Variants in EHMT1 observed in about 807,000 individuals in gnomAD.
The protein encoded by EHMT1 is histone-lysine N-methyltransferase EHMT1.
In EHMT1, 15 loss-of-function variants were observed where a neutral mutation model predicts 147.2. That is an observed-to-expected ratio of 0.10 (90% CI 0.07 to 0.16). The LOEUF (loss-of-function observed/expected upper bound fraction) is 0.16. EHMT1 is among the 10% of genes least tolerant of loss of function. EHMT1 has a pLI of 1.00. For synonymous variants in EHMT1, 795 were observed against 709.6 expected (o/e 1.12, Z -1.91); for missense variants, 1,587 against 1,772.4 (o/e 0.90, Z 1.88).
intron 25 of EHMT1, among the ~76,000 whole-genome samples, chr9:137,829,066 G>GC (rs1466755490): frequency 1.3e-5 from 2 of 152,210 alleles, no homozygotes; most frequent in South Asian, 2.1e-4. Flanking sequence ...CCACGGGGAG[G>GC]CCCCCGCCCT....
intron 1 of EHMT1, among the ~76,000 whole-genome samples, chr9:137,625,652 T>C (rs977127633): frequency 2.0e-5 from 3 of 152,078 alleles, no homozygotes; most frequent in African/African-American, 7.2e-5. Flanking sequence ...GTTTATTCTT[T>C]ACTGTTTTCT....
chr9:137,767,897 A>G (rs4542006), intron 10 of EHMT1, among the ~76,000 whole-genome samples: 43,065 of 152,012 alleles, frequency 0.28, 6,618 homozygotes, highest in Admixed American at 0.41. Context: ...ATTTTGGAAC[A>G]TTTTGCATTT....
At chr9:137,823,799 C>T (rs1490150252) in intron 25 of EHMT1, among the ~76,000 whole-genome samples, 1 of 152,156 alleles carries the variant, frequency 6.6e-6, no homozygotes. Flanking sequence ...TGCAGGTGAC[C>T]CACCCGCCTC....
Position 137,834,435 on chromosome 9 carries a change from C to G in EHMT1, c.3627C>G (p.Pro1209=), listed in dbSNP as rs762578639. The part of the protein sequence containing the change: ...INHHCEPNLV[P]VRVFMAHQDL... ...ACCACTGCGAGCCCAACCTGGTGCCCGTGCGCGTGTTCATGGCCCACCAGG... is the reference window on the plus strand; with the variant it reads ...ACCACTGCGAGCCCAACCTGGTGCCGGTGCGCGTGTTCATGGCCCACCAGG... The change falls in exon 26 of 27, where the codon CCC becomes CCG. Residue 1209 remains proline, a synonymous_variant. Transcript: ENST00000460843. 2 of 1,613,280 alleles carry G rather than the reference C, an allele frequency of 1.2e-6. No homozygotes were observed. The highest frequency in any genetic ancestry group is 1.7e-6 in the Non-Finnish European group (2 of 1,179,812).
intron 3 of EHMT1, among the ~76,000 whole-genome samples, chr9:137,718,418 C>T (rs1945576636): frequency 6.6e-6 from 1 of 152,378 alleles, no homozygotes; most frequent in South Asian, 2.1e-4. Context: ...GGTGAACATT[C>T]TGACAGCACT....
intron 15 of EHMT1, chr9:137,788,330 C>T (rs1013433372): frequency 5.2e-6 from 2 of 383,758 alleles, no homozygotes; most frequent in Non-Finnish European, 4.7e-6. Context: ...TCAGGGGGCC[C>T]AGGACGTTGG....
intron 25 of EHMT1, among the ~76,000 whole-genome samples, chr9:137,822,529 T>C (rs557262090): frequency 3.9e-5 from 6 of 152,356 alleles, no homozygotes; most frequent in African/African-American, 1.4e-4. Flanking sequence ...GCTGTCCTGA[T>C]GCTTGATGAA....
In EHMT1 at chr9:137,731,964, G is replaced by T. The variant is rs1947149392; in HGVS notation, c.823+3435G>T. 6.6e-6 allele frequency among the ~76,000 whole-genome samples: 1 copy of T among 152,230 alleles called. No individual in the cohort carries two copies. The highest frequency in any genetic ancestry group is 1.5e-5 in the Non-Finnish European group (1 of 68,036). On this transcript the variant is annotated intron_variant, in intron 4 of 26. Coordinates refer to ENST00000460843, the MANE Select transcript of EHMT1 (RefSeq NM_024757.5). This position sits in a 1 kb window ranked among gnomAD's most constrained non-coding sequence, Gnocchi z 4.3. ...GCGTCTAGATGAGGGGAACACGGTG[G>T]TGCCCCAAAACTCGGAGTCACCAGC...
At position 137,835,006 on chromosome 9, in the gene EHMT1, T is replaced by G; in HGVS notation, c.*53T>G. 7.4e-7 allele frequency: 1 copy of G among 1,360,478 alleles called. No homozygotes were observed. The allele number at this position is 1,360,478 out of a possible 1,614,324, so 84.3% of individuals were successfully genotyped here. ...GAGCCAGGGACCGCCGCGTCGCCGA[T>G]TAGAGGACGAGGAGGAGAGATTCCG... On this transcript the variant is annotated 3_prime_UTR_variant, in exon 27 of 27. Coordinates refer to ENST00000460843, the MANE Select transcript of EHMT1 (RefSeq NM_024757.5).
rs1950867188 is a variant in EHMT1 at position 137,775,138 on chromosome 9, G to A, written c.1677G>A (p.Lys559=). The change falls in exon 11 of 27, where the codon AAG becomes AAA. Residue 559 remains lysine (K), a synonymous_variant. Coordinates refer to ENST00000460843, the MANE Select transcript of EHMT1 (RefSeq NM_024757.5). The surrounding 1 kb of genome is among the most constrained non-coding windows in gnomAD (Gnocchi z 6.1). ...GCCGGTGCACAAACAGCGTGGTCAA[G>A]TATGAGCTGATGCGCCCCTCCAACA... ...ELGRCTNSVV[K]YELMRPSNKA... 1 of 1,614,010 alleles carries A rather than the reference G, an allele frequency of 6.2e-7. No homozygotes were observed. Among genetic ancestry groups the A allele is most frequent in the Non-Finnish European group, 8.5e-7 (1 of 1,180,042 alleles).
chr9:137,721,569 TC>T (rs1946051656), intron 3 of EHMT1, among the ~76,000 whole-genome samples: 1 of 87,720 alleles, frequency 1.1e-5, no homozygotes, highest in African/African-American at 4.6e-5. Context: ...ACGCCTCTCA[TC>T]CTCTCCCTCT....
At position 137,776,939 on chromosome 9, in the gene EHMT1, A is replaced by G. The variant is rs1784342616; in HGVS notation, c.2018+95A>G. The G allele has an allele frequency of 1.7e-6, 2 of 1,206,248 alleles. No individual in the cohort carries two copies. Among genetic ancestry groups the G allele is most frequent in the Admixed American group, 2.1e-5 (1 of 48,696 alleles). 74.7% of individuals were successfully genotyped at this position (1,206,248 alleles called of 1,614,324 possible). A position where few individuals can be genotyped will look rare whatever the true frequency, so the allele number is the denominator to read the frequency against. On this transcript the variant is annotated intron_variant, in intron 12 of 26. Transcript: ENST00000460843. This position sits in a 1 kb window ranked among gnomAD's most constrained non-coding sequence, Gnocchi z 4.4. ...GTTATTGCTTCCTGCTGTTTTTTCC[A>G]GAAGTCTCTGAGCTGATGCTGATGC... is the stretch of plus-strand genomic sequence containing the variant.
chr9:137,814,172 CG>C, intron 21 of EHMT1: 1 of 574,832 alleles, frequency 1.7e-6, no homozygotes, highest in Admixed American at 2.8e-5. Context: ...ACCCACCCCA[CG>C]TCACCCACTG....
chr9:137,758,244 C>T (rs996511329), intron 9 of EHMT1, among the ~76,000 whole-genome samples: 6 of 152,230 alleles, frequency 3.9e-5, no homozygotes, highest in African/African-American at 1.4e-4. Context: ...GAAGCCCAAG[C>T]ATGGCCCAGC....
At chr9:137,802,819 A>G (rs1953614295) in intron 18 of EHMT1, 1 of 1,231,658 alleles carries the variant, frequency 8.1e-7, no homozygotes, top group Non-Finnish European at 1.0e-6. Context: ...GGGGGTTTCT[A>G]CCTCATTCCA....
intron 16 of EHMT1, chr9:137,792,058 C>G (rs1246464472): frequency 2.1e-6 from 1 of 465,824 alleles, no homozygotes; most frequent in Non-Finnish European, 4.4e-6. Context: ...TTTACAGATA[C>G]AGAAAACTTC....
chr9:137,662,097 T>A (rs1939145640), intron 1 of EHMT1, among the ~76,000 whole-genome samples: 1 of 152,218 alleles, frequency 6.6e-6, no homozygotes, highest in South Asian at 2.1e-4. Flanking sequence ...CCACTGCGCC[T>A]GGCCAAGAAA....
chr9:137,743,077 A>G lies in EHMT1; in HGVS notation c.824-294A>G, dbSNP rs3125790. 31,579 of 404,554 alleles carry G rather than the reference A, an allele frequency of 0.078. 4,198 individuals carry two copies. Among genetic ancestry groups the G allele is most frequent in the African/African-American group, 0.4 (19,220 of 48,622 alleles). 25.1% of individuals were successfully genotyped at this position (404,554 alleles called of 1,614,324 possible). On this transcript the variant is annotated intron_variant, in intron 4 of 26. Coordinates refer to ENST00000460843, the MANE Select transcript of EHMT1 (RefSeq NM_024757.5). ...TCGCTTCAGAGCCCTGCTACTGATG[A>G]TTTGTGGCTTTCCTGCCTCCAAGGT...
chr9:137,699,741 T>C (rs1943685123), intron 1 of EHMT1, among the ~76,000 whole-genome samples: 1 of 151,330 alleles, frequency 6.6e-6, no homozygotes, highest in African/African-American at 2.4e-5. Context: ...GTCCCACCTA[T>C]GGAAGGCCTA....
Sources: allele counts gnomAD v4.1 joint callset (sites outside exome capture counted in the v4.1 genomes callset), GRCh38; gene constraint gnomAD v4.1.1; non-coding constraint Gnocchi (gnomAD v3.1); transcripts MANE v1.5; gene names NCBI Gene and HGNC (gene_info 2026-07-23, HGNC 2026-07-21).